The following NEK11 variants were observed in gnomAD, a reference collection of about 807,000 sequenced individuals.
NEK11 encodes the protein NIMA related kinase 11, also known as serine/threonine-protein kinase Nek11.
NEK11 carries 72 observed loss-of-function variants against 80.7 expected under a neutral mutation model. The observed-to-expected ratio is 0.89, with a 90% CI of 0.74 to 1.08. The LOEUF (loss-of-function observed/expected upper bound fraction) is 1.08, where lower values mean the gene tolerates loss of function less well. Among genes scored for constraint, NEK11 ranks in the 50% least tolerant of loss-of-function variants. NEK11 has a pLI of 0.00. For synonymous variants in NEK11, 251 were observed against 260.7 expected (o/e 0.96, Z 0.36); for missense variants, 764 against 763.6 (o/e 1.00, Z -0.01).
intron 3 of NEK11, 132 bp downstream of exon 3, chr3:131,030,010 T>C: frequency 1.3e-6 from 1 of 782,422 alleles, no homozygotes; most frequent in Non-Finnish European, 2.1e-6. Context: ...GTGGCCAAGG[T>C]TGGCAGATCA....
At position 131,228,779 on chromosome 3, in the gene NEK11, T is replaced by C. The variant is rs574681387; in HGVS notation, c.1560+91T>C. The C allele has an allele frequency of 1.3e-5, 17 of 1,323,778 alleles. No individual in the cohort carries two copies. The African/African-American group carries it at 1.5e-4, about 11-fold the overall frequency. 82.0% of individuals were successfully genotyped at this position (1,323,778 alleles called of 1,614,324 possible). A position where few individuals can be genotyped will look rare whatever the true frequency, so the allele number is the denominator to read the frequency against. On this transcript the variant is annotated intron_variant, in intron 15 of 17. Transcript: ENST00000383366. The stretch of plus-strand genomic sequence containing the variant: ...AGAAAGGAAGTCTTATAAGGTGAAG[T>C]TGGGGACATGGGGAACAGGGTTATT...
rs545201085 is a variant in NEK11, at chr3:131,248,276, C to T, written c.1621+4780C>T. On this transcript the variant is annotated intron_variant, in intron 16 of 17. Transcript: ENST00000383366. The stretch of plus-strand genomic sequence containing the variant: ...TTTGAGGTAGGTTTCTTTTATGCCT[C>T]ATTTATAGAAGGTTTTATCATGATA... Among the ~76,000 whole-genome samples the T allele has an allele frequency of 1.2e-4, 19 of 152,078 alleles. 1 individual carries two copies. In the South Asian group the frequency reaches 3.9e-3, roughly 32 times the overall value.
chr3:131,335,497 T>C (rs373330947), intron 17 of NEK11, among the ~76,000 whole-genome samples: 2 of 152,040 alleles, frequency 1.3e-5, no homozygotes, highest in South Asian at 2.1e-4. Flanking sequence ...TATGACAAAC[T>C]CACAGCCAAT....
At chr3:131,295,140 G>A (rs556245109) in intron 17 of NEK11, among the ~76,000 whole-genome samples, 33 of 151,918 alleles carry the variant, frequency 2.2e-4, no homozygotes, top group African/African-American at 7.2e-4. Context: ...TCTATTTGTT[G>A]TCTCTGTTCT....
At chr3:131,334,200 T>C (rs1439556549) in intron 17 of NEK11, among the ~76,000 whole-genome samples, 1 of 152,070 alleles carries the variant, frequency 6.6e-6, no homozygotes, top group Non-Finnish European at 1.5e-5. Flanking sequence ...TATTCCAAAA[T>C]TGACCACATA....
chr3:131,093,446 CAG>C (rs1226139658), intron 4 of NEK11, among the ~76,000 whole-genome samples: 3 of 150,494 alleles, frequency 2.0e-5, no homozygotes, highest in Non-Finnish European at 3.0e-5. Flanking sequence ...TTTTTTGAGA[CAG>C]AGTCTCGCTC....
chr3:131,322,551 C>CAGAG (rs559800812), intron 17 of NEK11, among the ~76,000 whole-genome samples: 114 of 152,324 alleles, frequency 7.5e-4, no homozygotes, highest in African/African-American at 2.7e-3. Context: ...CACTAATCAT[C>CAGAG]AGAGAAATGC....
At position 131,210,153 on chromosome 3, in the gene NEK11, A is replaced by G. The variant is rs189091948; in HGVS notation, c.1400-18375A>G. 3.3e-3 allele frequency among the ~76,000 whole-genome samples: 495 copies of G among 152,268 alleles called. 3 individuals carry two copies. The highest frequency in any genetic ancestry group is 4.7e-3 in the Non-Finnish European group (318 of 68,022). On this transcript the variant is annotated intron_variant, in intron 14 of 17. Coordinates refer to ENST00000383366, the MANE Select transcript of NEK11 (RefSeq NM_024800.5). ...TAAATTTCCCTCTACACACTGCTTT[A>G]AATGTGTCCCAGAGATTCTGGTATG...
At chr3:131,039,890 A>G (rs1239734046) in intron 3 of NEK11, among the ~76,000 whole-genome samples, 2 of 152,208 alleles carry the variant, frequency 1.3e-5, no homozygotes, top group Non-Finnish European at 2.9e-5. Flanking sequence ...AACATGAGAG[A>G]CAAGCAACCC....
At chr3:131,227,455 C>T (rs890622155) in intron 14 of NEK11, among the ~76,000 whole-genome samples, 4 of 152,060 alleles carry the variant, frequency 2.6e-5, no homozygotes, top group Non-Finnish European at 5.9e-5. Flanking sequence ...AATTTTATCA[C>T]AGAAATTGGA....
intron 12 of NEK11, 46 bp downstream of exon 12, chr3:131,165,565 T>C: frequency 3.2e-6 from 4 of 1,237,664 alleles, no homozygotes; most frequent in Non-Finnish European, 4.7e-6. Context: ...TTTTTCTTGC[T>C]TTAGATTCAT....
At chr3:131,114,139 A>G (rs954593368) in intron 5 of NEK11, among the ~76,000 whole-genome samples, 1 of 152,064 alleles carries the variant, frequency 6.6e-6, no homozygotes, top group African/African-American at 2.4e-5. Flanking sequence ...TAAATGTATA[A>G]TCTATGTTTC....
intron 4 of NEK11, among the ~76,000 whole-genome samples, chr3:131,100,617 T>C (rs1050459215): frequency 1.3e-5 from 2 of 152,194 alleles, no homozygotes; most frequent in South Asian, 4.1e-4. Context: ...ATATTAACTT[T>C]TTGCTGTGCT....
At chr3:131,309,057 C>G (rs1042183618) in intron 17 of NEK11, among the ~76,000 whole-genome samples, 1 of 152,196 alleles carries the variant, frequency 6.6e-6, no homozygotes, top group Non-Finnish European at 1.5e-5. Context: ...CTGCTCACCT[C>G]CTGCTGTGTG....
At chr3:131,124,808 T>G (rs2083016550) in intron 5 of NEK11, among the ~76,000 whole-genome samples, 1 of 152,104 alleles carries the variant, frequency 6.6e-6, no homozygotes. Context: ...AATAGCAAAG[T>G]TTTTATAGAT....
chr3:131,077,764 T>G (rs1216770414), intron 3 of NEK11, among the ~76,000 whole-genome samples: 1 of 152,192 alleles, frequency 6.6e-6, no homozygotes, highest in Non-Finnish European at 1.5e-5. Flanking sequence ...CTTTGTAATC[T>G]TCAGTAGTTA....
intron 17 of NEK11, among the ~76,000 whole-genome samples, chr3:131,315,109 A>C: frequency 6.6e-6 from 1 of 152,190 alleles, no homozygotes; most frequent in East Asian, 1.9e-4. Context: ...CATCTCATAT[A>C]GTTTCTTTGT....
chr3:131,205,334 A>T (rs906570381), intron 14 of NEK11, among the ~76,000 whole-genome samples: 3 of 152,228 alleles, frequency 2.0e-5, no homozygotes, highest in Admixed American at 2.0e-4. Context: ...CTTGGCTTTC[A>T]TTACTCATTC....
At position 131,046,109 on chromosome 3, in the gene NEK11, C is replaced by T. The variant is rs143191205; in HGVS notation, c.170+16231C>T. On this transcript the variant is annotated intron_variant, in intron 3 of 17. Coordinates refer to ENST00000383366, the MANE Select transcript of NEK11 (RefSeq NM_024800.5). ...GAGCATTTATGTTATTTACATTCAACATTAATATTGAGATACATGCTATTC... is the reference window on the plus strand; with the variant it reads ...GAGCATTTATGTTATTTACATTCAATATTAATATTGAGATACATGCTATTC... Among the ~76,000 whole-genome samples the T allele has an allele frequency of 1.9e-3, 294 of 152,224 alleles. 1 individual carries two copies. Among genetic ancestry groups the T allele is most frequent in the African/African-American group, 6.6e-3 (276 of 41,534 alleles).
Sources: gnomAD v4.1 joint callset for allele counts (sites outside exome capture counted in the v4.1 genomes callset) on GRCh38, gnomAD v4.1.1 for gene constraint, MANE v1.5 for transcripts, NCBI Gene and HGNC (gene_info 2026-07-23, HGNC 2026-07-21) for gene names.